The following ITGA9 variants were observed in gnomAD, a reference collection of about 807,000 sequenced individuals.
The protein encoded by ITGA9 is integrin alpha-9.
In ITGA9, 56 loss-of-function variants were observed where a neutral mutation model predicts 127.8. That is an observed-to-expected ratio of 0.44 (90% CI 0.35 to 0.55). ITGA9 has a LOEUF of 0.55. Among genes scored for constraint, ITGA9 ranks in the 20% least tolerant of loss-of-function variants. The probability of loss-of-function intolerance (pLI) is 0.00; values close to 1 mark genes in which losing one functional copy is unlikely to be tolerated. For synonymous variants in ITGA9, 508 were observed against 514.5 expected (o/e 0.99, Z 0.17); for missense variants, 1,196 against 1,347.1 (o/e 0.89, Z 1.76).
chr3:37,553,617 T>C (rs1006162976), intron 15 of ITGA9, among the ~76,000 whole-genome samples: 3 of 152,256 alleles, frequency 2.0e-5, no homozygotes, highest in African/African-American at 7.2e-5. Flanking sequence ...CAAAGTTAGT[T>C]GCCATCCCCA....
At chr3:37,478,106 C>T (rs1698512811) in intron 3 of ITGA9, among the ~76,000 whole-genome samples, 1 of 152,168 alleles carries the variant, frequency 6.6e-6, no homozygotes, top group South Asian at 2.1e-4. Context: ...CCCCAGCAGC[C>T]CCTTCCCAAT....
rs1700933427 is a variant in ITGA9 at position 37,700,384 on chromosome 3, C to T, written c.2067+16369C>T. Among the ~76,000 whole-genome samples, 3 of 152,136 alleles carry T rather than the reference C, an allele frequency of 2.0e-5. No homozygotes were observed. The South Asian group carries it at 6.2e-4, about 32-fold the overall frequency. On this transcript the variant is annotated intron_variant, in intron 18 of 27. Transcript: ENST00000264741. ...CAATGACTTTTTTGAGACAAGGTCT[C>T]ACTCTGTTGCCCAGGATAGAGTGCA... is the stretch of plus-strand genomic sequence containing the variant.
chr3:37,796,947 A>G (rs77299051), intron 26 of ITGA9, among the ~76,000 whole-genome samples: 14,889 of 152,124 alleles, frequency 0.098, 1,255 homozygotes, highest in African/African-American at 0.23. Context: ...TGAAGTATAC[A>G]GCTGTGGTTT....
At chr3:37,648,964 G>A (rs941400734) in intron 16 of ITGA9, among the ~76,000 whole-genome samples, 1 of 151,666 alleles carries the variant, frequency 6.6e-6, no homozygotes, top group Non-Finnish European at 1.5e-5. Context: ...GGGGAGCAGA[G>A]GGAAAATCAG....
At chr3:37,700,079 G>T (rs186035061) in intron 18 of ITGA9, among the ~76,000 whole-genome samples, 50 of 152,160 alleles carry the variant, frequency 3.3e-4, no homozygotes, top group African/African-American at 1.2e-3. Flanking sequence ...CGCCTCCCTG[G>T]TTCAAGCAAT....
At chr3:37,708,699 C>A (rs533944046) in intron 18 of ITGA9, among the ~76,000 whole-genome samples, 1 of 58 alleles carries the variant, frequency 0.017, no homozygotes, top group South Asian at 0.5. Flanking sequence ...TATCCAGCCC[C>A]AATGCCAACA....
At chr3:37,548,419 G>A (rs1275906380) in intron 15 of ITGA9, among the ~76,000 whole-genome samples, 1 of 152,132 alleles carries the variant, frequency 6.6e-6, no homozygotes, top group East Asian at 1.9e-4. Flanking sequence ...TTAACAGAGT[G>A]CACACCTAAA....
At chr3:37,759,094 C>CAG (rs1173716617) in intron 23 of ITGA9, among the ~76,000 whole-genome samples, 2 of 151,620 alleles carry the variant, frequency 1.3e-5, no homozygotes, top group African/African-American at 4.9e-5. Context: ...CACACACACA[C>CAG]ACACACATAT....
At chr3:37,757,334 G>T (rs1258175233) in intron 23 of ITGA9, among the ~76,000 whole-genome samples, 1 of 151,750 alleles carries the variant, frequency 6.6e-6, no homozygotes, top group Non-Finnish European at 1.5e-5. Context: ...ACTTTTTAAA[G>T]AAGTACCATA....
chr3:37,544,215 G>A (rs1022791855), intron 15 of ITGA9, among the ~76,000 whole-genome samples: 4 of 152,172 alleles, frequency 2.6e-5, no homozygotes, highest in African/African-American at 7.2e-5. Flanking sequence ...GAGATGCCAC[G>A]TAGAGTGGCA....
At chr3:37,625,352 G>A (rs1700166596) in intron 15 of ITGA9, among the ~76,000 whole-genome samples, 1 of 152,156 alleles carries the variant, frequency 6.6e-6, no homozygotes, top group South Asian at 2.1e-4. Context: ...ACATTGCCTG[G>A]CATAAAGTAA....
At chr3:37,564,708 G>C (rs1021635242) in intron 15 of ITGA9, among the ~76,000 whole-genome samples, 1 of 152,196 alleles carries the variant, frequency 6.6e-6, no homozygotes, top group South Asian at 2.1e-4. Flanking sequence ...ACAGGCACCT[G>C]TTGAATGCCT....
At chr3:37,509,179 A>T (rs1222937209) in intron 8 of ITGA9, among the ~76,000 whole-genome samples, 1 of 152,214 alleles carries the variant, frequency 6.6e-6, no homozygotes, top group Non-Finnish European at 1.5e-5. Flanking sequence ...CCCTAAAGTT[A>T]GCCTGGGTGA....
At chr3:37,484,784 A>C (rs1401832421) in intron 4 of ITGA9, among the ~76,000 whole-genome samples, 2 of 152,168 alleles carry the variant, frequency 1.3e-5, no homozygotes, top group Non-Finnish European at 2.9e-5. Context: ...CAGATGGGTT[A>C]TTTAAGTTCT....
chr3:37,666,087 A>G (rs897036299), intron 17 of ITGA9, among the ~76,000 whole-genome samples: 2 of 152,226 alleles, frequency 1.3e-5, no homozygotes, highest in Admixed American at 6.5e-5. Flanking sequence ...CTGCATCACA[A>G]TGCTCCCAGT....
intron 15 of ITGA9, among the ~76,000 whole-genome samples, chr3:37,581,385 G>A (rs1039424470): frequency 2.0e-5 from 3 of 152,208 alleles, no homozygotes; most frequent in Admixed American, 1.3e-4. Context: ...GGTCTTGAGC[G>A]CGTGATTGGT....
In ITGA9 at chr3:37,777,528, G is replaced by GT; in HGVS notation, c.2667+14dup. On this transcript the variant is annotated intron_variant, in intron 24 of 27. Coordinates refer to ENST00000264741, the MANE Select transcript of ITGA9 (RefSeq NM_002207.3). Reference sequence around the variant, plus strand: ...GGAAGAAAAGTCTTGGTAAGGATTTGTTTAGTGGTTGGGGTAACACGGGTG... The same window carrying GT: ...GGAAGAAAAGTCTTGGTAAGGATTTGTTTTAGTGGTTGGGGTAACACGGGTG... 6 of 1,614,020 alleles carry GT rather than the reference G, an allele frequency of 3.7e-6. No homozygotes were observed. Among genetic ancestry groups the GT allele is most frequent in the Non-Finnish European group, 5.1e-6 (6 of 1,179,938 alleles).
chr3:37,496,375 C>T (rs926159633), intron 5 of ITGA9, among the ~76,000 whole-genome samples: 16 of 152,196 alleles, frequency 1.1e-4, no homozygotes, highest in African/African-American at 3.9e-4. Context: ...CCATTGAGGC[C>T]GAATTTAAAG....
At chr3:37,537,017 A>G (rs1699214606) in intron 14 of ITGA9, among the ~76,000 whole-genome samples, 1 of 152,238 alleles carries the variant, frequency 6.6e-6, no homozygotes, top group African/African-American at 2.4e-5. Context: ...TGGGACCCAC[A>G]TCTGTGTTTT....
Sources: gnomAD v4.1 joint callset for allele counts (sites outside exome capture counted in the v4.1 genomes callset) on GRCh38, gnomAD v4.1.1 for gene constraint, MANE v1.5 for transcripts, NCBI Gene and HGNC (gene_info 2026-07-23, HGNC 2026-07-21) for gene names.